PCLO: variants seen among roughly 807,000 people sequenced by gnomAD.
PCLO encodes the protein protein piccolo.
In PCLO, 82 loss-of-function variants were observed where a neutral mutation model predicts 427.5. That is an observed-to-expected ratio of 0.19 (90% confidence interval 0.16 to 0.23). PCLO has a LOEUF of 0.23. Ranked by LOEUF, PCLO falls within the 10% of genes least tolerant of loss-of-function variation. The probability of loss-of-function intolerance (pLI) is 1.00; values close to 1 mark genes in which losing one functional copy is unlikely to be tolerated. For synonymous variants in PCLO, 2,357 were observed against 2,155.4 expected (o/e 1.09, Z -2.59); for missense variants, 6,239 against 6,115.9 (o/e 1.02, Z -0.67).
chr7:83,066,017 G>T (rs1197964594), intron 3 of PCLO, among the ~76,000 whole-genome samples: 1 of 152,060 alleles, frequency 6.6e-6, no homozygotes, highest in Non-Finnish European at 1.5e-5. Context: ...TCTGGGACAG[G>T]ACTAGTAAAG....
intron 3 of PCLO, among the ~76,000 whole-genome samples, chr7:83,091,242 C>T (rs1004044476): frequency 6.6e-6 from 1 of 151,922 alleles, no homozygotes; most frequent in African/African-American, 2.4e-5. Context: ...AATGCTAATC[C>T]ATGTATGAAA....
At chr7:82,793,368 G>A (rs1791147372) in intron 22 of PCLO, among the ~76,000 whole-genome samples, 2 of 152,252 alleles carry the variant, frequency 1.3e-5, no homozygotes, top group African/African-American at 4.8e-5. Context: ...CTGGTTTTGA[G>A]TCCCAGCCAA....
chr7:82,864,133 C>G (rs186287694), intron 10 of PCLO, among the ~76,000 whole-genome samples: 20 of 152,100 alleles, frequency 1.3e-4, no homozygotes, highest in African/African-American at 4.6e-4. Context: ...TACAGAATAT[C>G]TAATTATAAA....
At chr7:83,054,413 T>C (rs917831824) in intron 3 of PCLO, among the ~76,000 whole-genome samples, 1 of 152,072 alleles carries the variant, frequency 6.6e-6, no homozygotes, top group Non-Finnish European at 1.5e-5. Flanking sequence ...ATGCCAAATA[T>C]ATTTAATTTT....
intron 3 of PCLO, among the ~76,000 whole-genome samples, chr7:83,114,386 TG>T (rs1025129930): frequency 2.0e-5 from 3 of 151,904 alleles, no homozygotes; most frequent in African/African-American, 7.2e-5. Flanking sequence ...GATAAAGATG[TG>T]GGGGTAGTGA....
chr7:83,038,969 T>C (rs972110939), intron 3 of PCLO, among the ~76,000 whole-genome samples: 1 of 152,204 alleles, frequency 6.6e-6, no homozygotes, highest in Non-Finnish European at 1.5e-5. Context: ...TGATTTGTAT[T>C]TCCCTGATGA....
intron 3 of PCLO, among the ~76,000 whole-genome samples, chr7:83,074,291 G>A (rs563877401): frequency 3.3e-5 from 5 of 151,980 alleles, no homozygotes; most frequent in East Asian, 3.9e-4. Context: ...ATAGACATCC[G>A]GATAACTACA....
At chr7:83,099,983 T>C (rs1055653746) in intron 3 of PCLO, among the ~76,000 whole-genome samples, 1 of 151,858 alleles carries the variant, frequency 6.6e-6, no homozygotes, top group Admixed American at 6.6e-5. Flanking sequence ...TAATTTACTA[T>C]ACTTATTATA....
intron 4 of PCLO, among the ~76,000 whole-genome samples, chr7:82,958,656 A>G (rs952388096): frequency 5.3e-5 from 8 of 152,176 alleles, no homozygotes. Context: ...AATTAACTAT[A>G]CTGTACCAAT....
At chr7:82,918,891 C>A (rs536079436) in intron 6 of PCLO, among the ~76,000 whole-genome samples, 1 of 151,982 alleles carries the variant, frequency 6.6e-6, no homozygotes, top group South Asian at 2.1e-4. Flanking sequence ...TGGTCACTAC[C>A]GGAAATTTTA....
intron 22 of PCLO, among the ~76,000 whole-genome samples, chr7:82,766,587 A>G (rs866604970): frequency 3.9e-5 from 6 of 152,210 alleles, no homozygotes; most frequent in Middle Eastern, 3.4e-3. Flanking sequence ...TGGAGTCAAT[A>G]GCAGTTGTGA....
At chr7:82,919,979 C>T (rs1794559120) in intron 6 of PCLO, among the ~76,000 whole-genome samples, 1 of 151,792 alleles carries the variant, frequency 6.6e-6, no homozygotes, top group Non-Finnish European at 1.5e-5. Context: ...GGGGTGTGTA[C>T]TATGTTTTAG....
intron 22 of PCLO, among the ~76,000 whole-genome samples, chr7:82,783,223 A>G (rs770085966): frequency 1.3e-5 from 2 of 152,188 alleles, no homozygotes; most frequent in Non-Finnish European, 2.9e-5. Flanking sequence ...CCACCAGTAA[A>G]CATTCTTTGG....
At chr7:82,938,236 G>A (rs986075184) in intron 6 of PCLO, among the ~76,000 whole-genome samples, 4 of 151,896 alleles carry the variant, frequency 2.6e-5, no homozygotes, top group Non-Finnish European at 5.9e-5. Flanking sequence ...TTGTTGTAAA[G>A]TGAAATATTT....
intron 3 of PCLO, among the ~76,000 whole-genome samples, chr7:83,053,147 TCTCTATGCA>T (rs1789294627): frequency 6.6e-6 from 1 of 151,950 alleles, no homozygotes; most frequent in African/African-American, 2.4e-5. Context: ...TACTATACAT[TCTCTATGCA>T]CTCATGTCAT....
At chr7:82,822,791 T>G in intron 19 of PCLO, 102 bp from the exon 20 acceptor site, 1 of 928,660 alleles carries the variant, frequency 1.1e-6, no homozygotes, top group Non-Finnish European at 1.7e-6. Flanking sequence ...TTATGTTAAT[T>G]CTGAGTCTTA....
At chr7:82,919,011 T>G (rs1244412890) in intron 6 of PCLO, among the ~76,000 whole-genome samples, 2 of 152,118 alleles carry the variant, frequency 1.3e-5, no homozygotes, top group Middle Eastern at 3.4e-3. Context: ...GGAAGTCACT[T>G]CTTTTCAAAA....
At chr7:82,796,118 T>G (rs924047664) in intron 22 of PCLO, among the ~76,000 whole-genome samples, 1 of 152,200 alleles carries the variant, frequency 6.6e-6, no homozygotes, top group African/African-American at 2.4e-5. Flanking sequence ...TTCCAGAAAT[T>G]TAATTCATTT....
chr7:82,974,579 T>G (rs17376662), intron 3 of PCLO, among the ~76,000 whole-genome samples: 3,109 of 152,270 alleles, frequency 0.02, 122 homozygotes, highest in African/African-American at 0.071. Flanking sequence ...TATGGGTTCA[T>G]AGCATTTTTT....
Sources: gnomAD v4.1 joint callset for allele counts (sites outside exome capture counted in the v4.1 genomes callset) on GRCh38, gnomAD v4.1.1 for gene constraint, MANE v1.5 for transcripts, NCBI Gene and HGNC (gene_info 2026-07-23, HGNC 2026-07-21) for gene names.